ERN1: variants seen among roughly 807,000 people sequenced by gnomAD.
ERN1 encodes endoplasmic reticulum to nucleus signaling 1, also known as serine/threonine-protein kinase/endoribonuclease IRE1.
A neutral mutation model predicts 113.1 loss-of-function variants in ERN1; 39 were observed. The observed-to-expected ratio is 0.34, with a 90% CI of 0.27 to 0.45. The LOEUF (loss-of-function observed/expected upper bound fraction) is 0.45. Ranked by LOEUF, ERN1 falls within the 20% of genes least tolerant of loss-of-function variation. The probability of loss-of-function intolerance (pLI) is 1.00; values close to 1 mark genes in which losing one functional copy is unlikely to be tolerated. For missense variants in ERN1, 976 were observed against 1,274.8 expected (o/e 0.77, Z 3.57); for synonymous variants, 507 against 515.9 (o/e 0.98, Z 0.23).
intron 2 of ERN1, among the ~76,000 whole-genome samples, chr17:64,087,122 G>T (rs559542702): frequency 1.5e-4 from 23 of 152,232 alleles, no homozygotes; most frequent in African/African-American, 5.1e-4. Flanking sequence ...AGCTGGCTTT[G>T]TAGGTAGAGA....
Position 64,040,211 on chromosome 17 carries a change from A to G in ERN1, c.*3777T>C, listed in dbSNP as rs1025019339. The G allele has an allele frequency of 6.6e-6, 1 of 152,268 alleles. No homozygotes were observed. Among genetic ancestry groups the G allele is most frequent in the Non-Finnish European group, 1.5e-5 (1 of 68,076 alleles). 9.4% of individuals were successfully genotyped at this position (152,268 alleles called of 1,614,324 possible). A position where few individuals can be genotyped will look rare whatever the true frequency, so the allele number is the denominator to read the frequency against. On this transcript the variant is annotated 3_prime_UTR_variant, in exon 22 of 22. Coordinates refer to ENST00000433197, the MANE Select transcript of ERN1 (RefSeq NM_001433.5). Reference sequence around the variant, plus strand: ...TAAAAGAGCAGAGAGAGAAAGCGACATGGGGGACTTAAAGAGGCTCCTTCC... The same window carrying G: ...TAAAAGAGCAGAGAGAGAAAGCGACGTGGGGGACTTAAAGAGGCTCCTTCC...
chr17:64,107,249 T>C (rs543754535), intron 1 of ERN1, among the ~76,000 whole-genome samples: 1 of 152,222 alleles, frequency 6.6e-6, no homozygotes, highest in Admixed American at 6.5e-5. Flanking sequence ...GGCTCAACTC[T>C]CCGCTCACAA....
intron 1 of ERN1, among the ~76,000 whole-genome samples, chr17:64,100,042 T>G (rs768004506): frequency 6.6e-6 from 1 of 152,266 alleles, no homozygotes; most frequent in East Asian, 1.9e-4. Flanking sequence ...CAGGAAAACA[T>G]AAGCCTCAAG....
At chr17:64,102,929 G>A (rs1018823544) in intron 1 of ERN1, 4 of 985,330 alleles carry the variant, frequency 4.1e-6, no homozygotes, top group Non-Finnish European at 4.8e-6. Context: ...ATATACTCCT[G>A]GCTTTGATGG....
chr17:64,114,133 C>T (rs556303384), intron 1 of ERN1, among the ~76,000 whole-genome samples: 2 of 148,076 alleles, frequency 1.4e-5, no homozygotes, highest in South Asian at 2.1e-4. Flanking sequence ...AGCTCTTGAA[C>T]GGGCCTAATA....
At chr17:64,080,853 T>G in intron 2 of ERN1, 45 bp from the exon 3 acceptor site, 2 of 1,590,842 alleles carry the variant, frequency 1.3e-6, no homozygotes, top group South Asian at 2.3e-5. Flanking sequence ...CATCCCAAAA[T>G]GTCAAGATTC....
At chr17:64,115,981 C>T (rs1914793460) in intron 1 of ERN1, among the ~76,000 whole-genome samples, 1 of 152,192 alleles carries the variant, frequency 6.6e-6, no homozygotes, top group Non-Finnish European at 1.5e-5. Flanking sequence ...GTTTAGAAGT[C>T]CTAATGCCTT....
chr17:64,077,414 C>A (rs1447912520), intron 4 of ERN1, among the ~76,000 whole-genome samples: 1 of 150,750 alleles, frequency 6.6e-6, no homozygotes, highest in Non-Finnish European at 1.5e-5. Context: ...AAGCCCCCCT[C>A]CTCTCTTGCC....
chr17:64,058,144 C>T (rs1912938491), intron 11 of ERN1, among the ~76,000 whole-genome samples, 151 bp from the exon 12 acceptor site: 1 of 152,208 alleles, frequency 6.6e-6, no homozygotes, highest in Non-Finnish European at 1.5e-5. Flanking sequence ...ATCATGTAGC[C>T]AGATAACTGT....
At chr17:64,055,618 T>C (rs1912835388) in intron 13 of ERN1, 57 bp downstream of exon 13, 2 of 1,480,968 alleles carry the variant, frequency 1.4e-6, no homozygotes, top group East Asian at 2.3e-5. Flanking sequence ...TCCTTGGACT[T>C]CTCAGGAGGT....
chr17:64,116,948 C>CA lies in ERN1; in HGVS notation c.54+13027dup, dbSNP rs536779884. The stretch of plus-strand genomic sequence containing the variant: ...TGAAACCCTGTCTTTACTAAAAATA[C>CA]AAAAAAAAAAAAAAAAAGCCAGGTG... On this transcript the variant is annotated intron_variant, in intron 1 of 21. Transcript: ENST00000433197. Among the ~76,000 whole-genome samples, 451 of 89,792 alleles carry CA rather than the reference C, an allele frequency of 5.0e-3. 1 individual carries two copies. The highest frequency in any genetic ancestry group is 8.7e-3 in the South Asian group (19 of 2,180). The allele number at this position is 89,792 out of a possible 152,430, so 58.9% of individuals were successfully genotyped here.
rs1912442264 is a variant in ERN1 at position 64,044,328 on chromosome 17, A to G, written c.2722-128T>C. 1.5e-6 allele frequency: 1 copy of G among 656,084 alleles called. No individual in the cohort carries two copies. Among genetic ancestry groups the G allele is most frequent in the Non-Finnish European group, 2.4e-6 (1 of 412,428 alleles). The allele number at this position is 656,084 out of a possible 1,614,324, so 40.6% of individuals were successfully genotyped here. A position where few individuals can be genotyped will look rare whatever the true frequency, so the allele number is the denominator to read the frequency against. On this transcript the variant is annotated intron_variant, in intron 21 of 21. Transcript: ENST00000433197. This position sits in a 1 kb window ranked among gnomAD's most constrained non-coding sequence, Gnocchi z 4.1. The stretch of plus-strand genomic sequence containing the variant: ...GTGTTGGTTTTTGGTAAAGAAAAAG[A>G]AAAAAGGCTTATGTATCCAAGAATC...
In ERN1 at chr17:64,049,653, T is replaced by C. The variant is rs1912622799; in HGVS notation, c.2254-451A>G. ...GGCCCAGAATGGTGCCTGCACACAG[T>C]AGGTATCAAAATTGCTAATAAGTGA... On this transcript the variant is annotated intron_variant, in intron 17 of 21. Coordinates refer to ENST00000433197, the MANE Select transcript of ERN1 (RefSeq NM_001433.5). This position sits in a 1 kb window ranked among gnomAD's most constrained non-coding sequence, Gnocchi z 4.7. Among the ~76,000 whole-genome samples the C allele has an allele frequency of 6.6e-6, 1 of 152,184 alleles. No homozygotes were observed. The highest frequency in any genetic ancestry group is 6.5e-5 in the Admixed American group (1 of 15,282).
In ERN1 at chr17:64,104,330, C is replaced by G. The variant is rs545826889; in HGVS notation, c.55-6089G>C. Among the ~76,000 whole-genome samples, 50 of 152,280 alleles carry G rather than the reference C, an allele frequency of 3.3e-4. No individual in the cohort carries two copies. In the South Asian group the frequency reaches 7.5e-3, roughly 23 times the overall value. ...GAAGTTTTGGTTTGTTTCCACTTAC[C>G]ACTGCCTTGTTGCCCCCTGCAATGG... On this transcript the variant is annotated intron_variant, in intron 1 of 21. Transcript: ENST00000433197.
At chr17:64,120,590 C>T (rs1016985499) in intron 1 of ERN1, among the ~76,000 whole-genome samples, 4 of 152,140 alleles carry the variant, frequency 2.6e-5, no homozygotes, top group Non-Finnish European at 5.9e-5. Context: ...GGCCAAGGTT[C>T]ATTTTTTTAA....
intron 20 of ERN1, among the ~76,000 whole-genome samples, chr17:64,045,151 C>T (rs1010231218): frequency 1.1e-4 from 17 of 152,034 alleles, no homozygotes; most frequent in African/African-American, 3.1e-4. Flanking sequence ...TAGAGCACGA[C>T]ACCATCACTC....
intron 1 of ERN1, among the ~76,000 whole-genome samples, chr17:64,113,950 G>A (rs1057416077): frequency 6.6e-6 from 1 of 151,828 alleles, no homozygotes; most frequent in African/African-American, 2.4e-5. Context: ...CCAAAGTGCT[G>A]GGATTACCGG....
At chr17:64,070,610 C>G (rs1369545840) in intron 6 of ERN1, among the ~76,000 whole-genome samples, 2 of 149,366 alleles carry the variant, frequency 1.3e-5, no homozygotes, top group South Asian at 2.1e-4. Flanking sequence ...CTGCAGGGCC[C>G]AAGATTAGTC....
intron 4 of ERN1, among the ~76,000 whole-genome samples, chr17:64,075,531 C>T (rs1913565620): frequency 1.3e-5 from 2 of 152,304 alleles, no homozygotes; most frequent in Middle Eastern, 3.4e-3. Flanking sequence ...CTCCTGGGTT[C>T]AAGTGATTCT....
Sources: allele counts gnomAD v4.1 joint callset (sites outside exome capture counted in the v4.1 genomes callset), GRCh38; gene constraint gnomAD v4.1.1; non-coding constraint Gnocchi (gnomAD v3.1); transcripts MANE v1.5; gene names NCBI Gene and HGNC (gene_info 2026-07-23, HGNC 2026-07-21).